PSMA1: variants seen among roughly 807,000 people sequenced by gnomAD.
PSMA1 encodes proteasome subunit alpha type-1.
Under a neutral mutation model 38.4 loss-of-function variants are expected in PSMA1, and 3 were observed. The ratio of observed to expected loss-of-function variants is 0.08; its 90% CI spans 0.04 to 0.20. The LOEUF (loss-of-function observed/expected upper bound fraction) is 0.20, where lower values mean the gene tolerates loss of function less well. Among genes scored for constraint, PSMA1 ranks in the 10% least tolerant of loss-of-function variants. The pLI is 1.00. For synonymous variants in PSMA1, 101 were observed against 107.1 expected (o/e 0.94, Z 0.35); for missense variants, 227 against 325.3 (o/e 0.70, Z 2.32).
At chr11:14,632,654 C>T (rs1231065069) in intron 1 of PSMA1, among the ~76,000 whole-genome samples, 4 of 148,880 alleles carry the variant, frequency 2.7e-5, no homozygotes, top group African/African-American at 7.5e-5. Flanking sequence ...CTTGGAGTTG[C>T]TCTTCTCGAG....
intron 2 of PSMA1, among the ~76,000 whole-genome samples, chr11:14,556,696 A>C (rs1266251837): frequency 6.6e-6 from 1 of 152,050 alleles, no homozygotes; most frequent in African/African-American, 2.4e-5. Context: ...TTACTTTTAA[A>C]TCTGTTATCC....
At chr11:14,554,987 C>G (rs750789130) in intron 2 of PSMA1, among the ~76,000 whole-genome samples, 5 of 152,214 alleles carry the variant, frequency 3.3e-5, no homozygotes, top group African/African-American at 1.2e-4. Context: ...GTTGCTTTTA[C>G]TGAGCACTGC....
chr11:14,603,480 A>G (rs1852608752), intron 2 of PSMA1, among the ~76,000 whole-genome samples: 1 of 152,214 alleles, frequency 6.6e-6, no homozygotes, highest in Non-Finnish European at 1.5e-5. Context: ...ATGAGGAGAG[A>G]TGGAAAAGTT....
At chr11:14,544,175 G>A (rs1029898137) in intron 2 of PSMA1, among the ~76,000 whole-genome samples, 2 of 152,054 alleles carry the variant, frequency 1.3e-5, no homozygotes, top group Admixed American at 6.5e-5. Context: ...GACCACAGGC[G>A]CACAACACCA....
intron 5 of PSMA1, chr11:14,514,157 T>C: frequency 7.5e-7 from 1 of 1,339,504 alleles, no homozygotes; most frequent in Non-Finnish European, 9.5e-7. Flanking sequence ...TTGGGACATC[T>C]AGAACCATTA....
chr11:14,641,369 A>G (rs1853199517), intron 1 of PSMA1, among the ~76,000 whole-genome samples: 1 of 152,246 alleles, frequency 6.6e-6, no homozygotes, highest in South Asian at 2.1e-4. Flanking sequence ...GAATAATTAA[A>G]TAATCTGACC....
intron 1 of PSMA1, among the ~76,000 whole-genome samples, chr11:14,642,185 A>G (rs192365543): frequency 6.6e-6 from 1 of 152,358 alleles, no homozygotes; most frequent in East Asian, 1.9e-4. Flanking sequence ...GGAATTTATA[A>G]CGGGAATTTC....
chr11:14,626,385 A>G (rs1378122665), intron 1 of PSMA1, among the ~76,000 whole-genome samples: 4 of 152,198 alleles, frequency 2.6e-5, no homozygotes, highest in Non-Finnish European at 4.4e-5. Flanking sequence ...TATCTTATCT[A>G]TGCTATTACC....
intron 2 of PSMA1, among the ~76,000 whole-genome samples, chr11:14,602,154 G>C (rs1350250443): frequency 6.6e-6 from 1 of 152,202 alleles, no homozygotes; most frequent in Non-Finnish European, 1.5e-5. Flanking sequence ...ATTAGAGCAA[G>C]AGGATCCAGC....
chr11:14,576,000 C>G (rs896619557), intron 2 of PSMA1, among the ~76,000 whole-genome samples: 3 of 152,222 alleles, frequency 2.0e-5, no homozygotes, highest in Non-Finnish European at 4.4e-5. Context: ...TTGTATTTCT[C>G]TGATGGCCAG....
chr11:14,588,334 C>G (rs375449388), intron 2 of PSMA1, among the ~76,000 whole-genome samples: 197 of 152,342 alleles, frequency 1.3e-3, no homozygotes, highest in South Asian at 6.2e-3. Context: ...CGTACATTTA[C>G]AGCACAATTT....
At chr11:14,525,588 G>A (rs1193026154) in intron 2 of PSMA1, among the ~76,000 whole-genome samples, 4 of 152,198 alleles carry the variant, frequency 2.6e-5, no homozygotes. Context: ...TTACAGGTTA[G>A]TTCAGGATCT....
At chr11:14,610,471 C>A (rs1043009691) in intron 2 of PSMA1, among the ~76,000 whole-genome samples, 12 of 152,184 alleles carry the variant, frequency 7.9e-5, no homozygotes, top group Admixed American at 7.2e-4. Context: ...TCACCCTCAG[C>A]AGAGACGTGA....
chr11:14,596,721 T>C (rs1852500001), intron 2 of PSMA1, among the ~76,000 whole-genome samples: 1 of 152,204 alleles, frequency 6.6e-6, no homozygotes. Context: ...CATTTCCTAA[T>C]TGAATACCCT....
intron 2 of PSMA1, among the ~76,000 whole-genome samples, chr11:14,535,159 G>GT (rs57779498): frequency 0.6 from 88,447 of 148,260 alleles, 26,482 homozygotes; most frequent in East Asian, 0.69. Flanking sequence ...AGAAGCTAAG[G>GT]TTTTTTTTTT....
Position 14,600,956 on chromosome 11 carries a change from A to G in PSMA1, c.21+10010T>C, listed in dbSNP as rs183688799. On this transcript the variant is annotated intron_variant, in intron 2 of 10. Transcript: ENST00000418988. ...GTGTAGTTCCAATTTTTTGTTTAGT[A>G]TTCTTATGTGTTTTTTTTAAAACCA... Among the ~76,000 whole-genome samples the G allele has an allele frequency of 1.3e-3, 196 of 152,202 alleles. 2 individuals are homozygous for G. Among genetic ancestry groups the G allele is most frequent in the Non-Finnish European group, 1.9e-3 (129 of 68,004 alleles).
At chr11:14,579,704 A>G (rs1311014352) in intron 2 of PSMA1, among the ~76,000 whole-genome samples, 3 of 152,114 alleles carry the variant, frequency 2.0e-5, no homozygotes, top group East Asian at 3.9e-4. Context: ...ATTCTTTAAA[A>G]GAATAAACTT....
chr11:14,574,047 C>T (rs1157125088), intron 2 of PSMA1, among the ~76,000 whole-genome samples: 2 of 152,118 alleles, frequency 1.3e-5, no homozygotes, highest in South Asian at 2.1e-4. Flanking sequence ...GAAACTGGAA[C>T]TTATATTTAA....
At position 14,553,061 on chromosome 11, in the gene PSMA1, G is replaced by A. The variant is rs142779129; in HGVS notation, c.22-34020C>T. ...GCTGATCTCGAATTCCTGGGCTCAAGCGATCTTCCTGCCTTGGCTTCCCAA... is the reference window on the plus strand; with the variant it reads ...GCTGATCTCGAATTCCTGGGCTCAAACGATCTTCCTGCCTTGGCTTCCCAA... On this transcript the variant is annotated intron_variant, in intron 2 of 10. Coordinates refer to the PSMA1 transcript ENST00000418988. 1.3e-3 allele frequency among the ~76,000 whole-genome samples: 202 copies of A among 152,184 alleles called. 1 individual carries two copies. The highest frequency in any genetic ancestry group is 4.1e-3 in the African/African-American group (170 of 41,526).
Sources: allele counts gnomAD v4.1 joint callset (sites outside exome capture counted in the v4.1 genomes callset), GRCh38; gene constraint gnomAD v4.1.1; transcripts MANE v1.5; gene names NCBI Gene and HGNC (gene_info 2026-07-23, HGNC 2026-07-21).